IGF2R: variants seen among roughly 807,000 people sequenced by gnomAD.
IGF2R encodes the protein cation-independent mannose-6-phosphate receptor.
Under a neutral mutation model 270.6 loss-of-function variants are expected in IGF2R, and 91 were observed. The observed-to-expected ratio is 0.34, with a 90% confidence interval of 0.28 to 0.40. The LOEUF (loss-of-function observed/expected upper bound fraction) is 0.40. Among genes scored for constraint, IGF2R ranks in the 10% least tolerant of loss-of-function variants. The pLI, the probability that IGF2R is intolerant of heterozygous loss-of-function variation, is 1.00. For missense variants in IGF2R, 2,805 were observed against 3,188.3 expected (o/e 0.88, Z 2.90); for synonymous variants, 1,316 against 1,258.9 (o/e 1.05, Z -0.96).
At chr6:160,045,949 T>G in intron 14 of IGF2R, 67 bp downstream of exon 14, 3 of 1,384,818 alleles carry the variant, frequency 2.2e-6, no homozygotes, top group Non-Finnish European at 2.9e-6. Context: ...TTCCTTAACA[T>G]TCTGTGTGAG....
intron 2 of IGF2R, among the ~76,000 whole-genome samples, chr6:160,008,061 T>C (rs1269641509): frequency 6.6e-6 from 1 of 152,198 alleles, no homozygotes; most frequent in African/African-American, 2.4e-5. Context: ...TGATACTTAA[T>C]GATCTAAAAA....
intron 34 of IGF2R, 132 bp from the exon 35 acceptor site, chr6:160,073,625 A>G (rs1778793050): frequency 9.3e-7 from 1 of 1,073,096 alleles, no homozygotes; most frequent in Non-Finnish European, 1.4e-6. Context: ...GCCCAGTGCT[A>G]TGTAATGAAG....
chr6:160,015,786 G>T (rs1468034114), intron 4 of IGF2R, among the ~76,000 whole-genome samples: 3 of 152,168 alleles, frequency 2.0e-5, no homozygotes, highest in Admixed American at 6.5e-5. Context: ...TAAATCATGG[G>T]GGTCCCTCAT....
chr6:159,988,689 C>T (rs899373217), intron 1 of IGF2R, among the ~76,000 whole-genome samples: 1 of 152,084 alleles, frequency 6.6e-6, no homozygotes, highest in African/African-American at 2.4e-5. Flanking sequence ...AAGTTTGTCT[C>T]TGTTATCCTG....
At chr6:160,000,785 GA>G (rs1319354020) in intron 2 of IGF2R, among the ~76,000 whole-genome samples, 3 of 143,050 alleles carry the variant, frequency 2.1e-5, no homozygotes, top group Non-Finnish European at 4.5e-5. Flanking sequence ...GCCCAGGCCG[GA>G]GTGCAGTGGC....
In IGF2R at chr6:160,050,577, G is replaced by A. The variant is rs761917976; in HGVS notation, c.2619G>A (p.Ser873=). 21 of 1,613,918 alleles carry A rather than the reference G, an allele frequency of 1.3e-5. No homozygotes were observed. The highest frequency in any genetic ancestry group is 4.4e-5 in the South Asian group (4 of 91,070). Reference sequence around the variant, plus strand: ...TCCTTCTGGAATACGTGAATGGGTCGGCCTGCACCACCAGCGATGGCAGAC... The same window carrying A: ...TCCTTCTGGAATACGTGAATGGGTCAGCCTGCACCACCAGCGATGGCAGAC... ...GSLLLEYVNG[S]ACTTSDGRQT... Residue 873 remains serine, a synonymous_variant, in exon 19 of 48, where the codon TCG becomes TCA. Transcript: ENST00000356956. This position sits in a 1 kb window ranked among gnomAD's most constrained non-coding sequence, Gnocchi z 4.0.
chr6:160,093,592 G>A, intron 44 of IGF2R: 1 of 683,598 alleles, frequency 1.5e-6, no homozygotes, highest in Non-Finnish European at 2.8e-6. Context: ...TCAACCCAGT[G>A]GGGGACTGGA....
intron 16 of IGF2R, 90 bp from the exon 17 acceptor site, chr6:160,047,702 G>A: frequency 1.2e-6 from 1 of 832,054 alleles, no homozygotes. Context: ...TTCTCATTGG[G>A]AACATTGCTC....
At chr6:160,049,202 GT>G (rs1226847270) in intron 18 of IGF2R, among the ~76,000 whole-genome samples, 1 of 152,184 alleles carries the variant, frequency 6.6e-6, no homozygotes, top group Non-Finnish European at 1.5e-5. Context: ...TCCTGGTTGT[GT>G]TTACCTCTGC....
intron 2 of IGF2R, 118 bp downstream of exon 2, chr6:159,991,441 T>A (rs1186528377): frequency 1.3e-6 from 1 of 789,080 alleles, no homozygotes; most frequent in African/African-American, 1.7e-5. Flanking sequence ...TTAGAAATCA[T>A]AAGTGTTTAT....
At chr6:160,085,693 C>T (rs1025942001) in intron 41 of IGF2R, among the ~76,000 whole-genome samples, 5 of 152,234 alleles carry the variant, frequency 3.3e-5, no homozygotes, top group Non-Finnish European at 7.3e-5. Flanking sequence ...AAAATATTCA[C>T]CTTTGCCTCT....
At position 160,089,201 on chromosome 6, in the gene IGF2R, A is replaced by T; in HGVS notation, c.6415A>T (p.Ile2139Phe). The T allele has an allele frequency of 6.2e-7, 1 of 1,613,562 alleles. No homozygotes were observed. Among genetic ancestry groups the T allele is most frequent in the Admixed American group, 1.7e-5 (1 of 59,984 alleles). Residue 2139 changes from isoleucine (I) to phenylalanine (F), a missense_variant, in exon 43 of 48, where the codon ATC becomes TTC. Physicochemically the swap from Ile to Phe is conservative, Grantham distance 21. Transcript: ENST00000356956. ...GGAGGTGCAGATGGTGAATGGGACC[A>T]TCACCAACCCTATAAATGGCAAGAG... ...PQEVQMVNGT[I>F]TNPINGKSFS... is the part of the protein sequence containing the mutation.
In IGF2R at chr6:160,060,578, T is replaced by C. The variant is rs1489582586; in HGVS notation, c.3123T>C (p.Val1041=). 3 of 1,614,284 alleles carry C rather than the reference T, an allele frequency of 1.9e-6. No individual in the cohort carries two copies. Among genetic ancestry groups the C allele is most frequent in the Admixed American group, 3.3e-5 (2 of 60,032 alleles). ...CTGATGCTTTTATCGTCCGCTTTGT[T>C]TGCAATGATGATGTTTACTCAGGGC... ...GTADAFIVRF[V]CNDDVYSGPL... is the part of the protein sequence containing the mutation. Residue 1041 remains valine, a synonymous_variant, in exon 23 of 48, where the codon GTT becomes GTC. Transcript: ENST00000356956.
At chr6:159,988,137 T>A (rs1783916647) in intron 1 of IGF2R, among the ~76,000 whole-genome samples, 1 of 152,200 alleles carries the variant, frequency 6.6e-6, no homozygotes, top group South Asian at 2.1e-4. Flanking sequence ...TATTCTTTTT[T>A]AAATCTTGAT....
In IGF2R at chr6:160,042,509, G is replaced by A. The variant is rs529386267; in HGVS notation, c.1481-639G>A. ...TGGTTTGCTTTTTGTGGATGCCCTC[G>A]CCCTTGCTTGCTGTGCTGGTGACAC... On this transcript the variant is annotated intron_variant, in intron 11 of 47. Transcript: ENST00000356956. Among the ~76,000 whole-genome samples, 11 of 152,210 alleles carry A rather than the reference G, an allele frequency of 7.2e-5. No individual in the cohort carries two copies. The East Asian group carries it at 1.5e-3, about 21-fold the overall frequency.
At chr6:160,098,230 A>C (rs376925512) in intron 45 of IGF2R, among the ~76,000 whole-genome samples, 2 of 152,224 alleles carry the variant, frequency 1.3e-5, no homozygotes, top group African/African-American at 4.8e-5. Context: ...GACTTCTGTG[A>C]GTAGGAAAAG....
intron 5 of IGF2R, among the ~76,000 whole-genome samples, chr6:160,026,799 C>G (rs1054657287): frequency 6.6e-6 from 1 of 152,174 alleles, no homozygotes; most frequent in Non-Finnish European, 1.5e-5. Context: ...GGATTTGAAC[C>G]CAGAGCTGTG....
intron 1 of IGF2R, among the ~76,000 whole-genome samples, chr6:159,987,732 A>G (rs1297036635): frequency 6.6e-6 from 1 of 152,246 alleles, no homozygotes; most frequent in Non-Finnish European, 1.5e-5. Context: ...TTGAAACATC[A>G]GAATGTTTTA....
intron 25 of IGF2R, among the ~76,000 whole-genome samples, chr6:160,062,272 CAA>C (rs1476550278): frequency 6.8e-6 from 1 of 146,716 alleles, no homozygotes; most frequent in Non-Finnish European, 1.5e-5. Flanking sequence ...CCCCCAGGTT[CAA>C]GTGATTCTCC....
Sources: allele counts gnomAD v4.1 joint callset (sites outside exome capture counted in the v4.1 genomes callset), GRCh38; gene constraint gnomAD v4.1.1; non-coding constraint Gnocchi (gnomAD v3.1); transcripts MANE v1.5; gene names NCBI Gene and HGNC (gene_info 2026-07-23, HGNC 2026-07-21).